The following GCLC variants were observed in gnomAD, a reference collection of about 807,000 sequenced individuals.
GCLC encodes the protein glutamate-cysteine ligase catalytic subunit.
Under a neutral mutation model 81.5 loss-of-function variants are expected in GCLC, and 30 were observed. That is an observed-to-expected ratio of 0.37 (90% CI 0.28 to 0.50). The LOEUF (loss-of-function observed/expected upper bound fraction) is 0.50, where lower values mean the gene tolerates loss of function less well. Among genes scored for constraint, GCLC ranks in the 20% least tolerant of loss-of-function variants. GCLC has a pLI of 0.96. For synonymous variants in GCLC, 262 were observed against 273.3 expected, an observed-to-expected ratio of 0.96 and a Z score of 0.41; for missense variants, 556 against 777.4, an observed-to-expected ratio of 0.72 and a Z score of 3.39.
At chr6:53,544,381 C>G in intron 1 of GCLC, 115 bp downstream of exon 1, 1 of 1,107,520 alleles carries the variant, frequency 9.0e-7, no homozygotes, top group South Asian at 1.3e-5. Context: ...TCGAGGACCC[C>G]CGGGCGCAGT....
At chr6:53,502,789 C>T (rs1764537899) in intron 12 of GCLC, among the ~76,000 whole-genome samples, 1 of 152,160 alleles carries the variant, frequency 6.6e-6, no homozygotes, top group Non-Finnish European at 1.5e-5. Context: ...TTTATTTTCA[C>T]CACTTTATGT....
In GCLC at chr6:53,500,304, C is replaced by T. The variant is rs17881359; in HGVS notation, c.1524G>A (p.Thr508=). 1,859 of 1,614,180 alleles carry T rather than the reference C, an allele frequency of 1.2e-3. 11 individuals are homozygous for T. In the African/African-American group the frequency reaches 0.022, roughly 19 times the overall value. The change falls in exon 14 of 16, where the codon ACG becomes ACA. Residue 508 remains threonine (T), a synonymous_variant. Transcript: ENST00000650454. ...VDGCGKAQNS[T]ELAAEEYTLM... ...GGGTGTACTCCTCTGCAGCGAGCTCCGTGCTGTTCTGGGCCTTGCCACAAC... is the reference window on the plus strand; with the variant it reads ...GGGTGTACTCCTCTGCAGCGAGCTCTGTGCTGTTCTGGGCCTTGCCACAAC...
intron 6 of GCLC, among the ~76,000 whole-genome samples, chr6:53,512,493 A>C (rs1764773595): frequency 6.6e-6 from 1 of 152,088 alleles, no homozygotes; most frequent in Non-Finnish European, 1.5e-5. Context: ...ATTTGTAAAG[A>C]TCAAATCAGT....
chr6:53,544,259 G>T (rs1461949707), intron 1 of GCLC, among the ~76,000 whole-genome samples: 4 of 152,204 alleles, frequency 2.6e-5, no homozygotes, highest in Admixed American at 6.5e-5. Context: ...TTTATGGAAT[G>T]AAGGGGAAAA....
intron 1 of GCLC, chr6:53,522,739 T>C: frequency 2.0e-6 from 1 of 488,846 alleles, no homozygotes; most frequent in Non-Finnish European, 3.7e-6. Flanking sequence ...CTTCCATCCC[T>C]TCTTTCCTCT....
In GCLC at chr6:53,499,006, C is replaced by T. The variant is rs201315867; in HGVS notation, c.1703-39G>A. 101 of 1,351,808 alleles carry T rather than the reference C, an allele frequency of 7.5e-5. No homozygotes were observed. In the Admixed American group the frequency reaches 1.2e-3, roughly 16 times the overall value. The allele number at this position is 1,351,808 out of a possible 1,614,324, so 83.7% of individuals were successfully genotyped here. On this transcript the variant is annotated intron_variant, in intron 15 of 15. Transcript: ENST00000650454. ...GGGAGCGAAAAAAAAATTAAAACCA[C>T]GTAAGTTTTTTTTTTAATAAGTTGA... is the stretch of plus-strand genomic sequence containing the variant.
chr6:53,521,223 T>C lies in GCLC; in HGVS notation c.264-263A>G, dbSNP rs561249210. On this transcript the variant is annotated intron_variant, in intron 2 of 15. Transcript: ENST00000650454. ...AGGCTGGAGTGCAATGGCACGATCT[T>C]GGCTTACTGCAACCTCTGCCTCCCA... Among the ~76,000 whole-genome samples the C allele has an allele frequency of 1.4e-4, 22 of 152,268 alleles. No homozygotes were observed. The East Asian group carries it at 3.5e-3, about 24-fold the overall frequency.
chr6:53,527,935 T>C (rs1473507464), intron 1 of GCLC, among the ~76,000 whole-genome samples: 1 of 152,158 alleles, frequency 6.6e-6, no homozygotes, highest in East Asian at 1.9e-4. Context: ...CCCACAGAGA[T>C]CATGCCAAGT....
At chr6:53,536,988 T>C in intron 1 of GCLC, among the ~76,000 whole-genome samples, 1 of 152,226 alleles carries the variant, frequency 6.6e-6, no homozygotes, top group Non-Finnish European at 1.5e-5. Context: ...GACAAAGACT[T>C]CTACAAGCTG....
intron 4 of GCLC, among the ~76,000 whole-genome samples, chr6:53,514,915 T>A (rs1764836394): frequency 6.6e-6 from 1 of 152,182 alleles, no homozygotes; most frequent in Admixed American, 6.5e-5. Context: ...CCTCCCTCCC[T>A]CATCTCTGCA....
intron 1 of GCLC, among the ~76,000 whole-genome samples, chr6:53,527,714 G>T (rs1459499875): frequency 6.6e-6 from 1 of 152,174 alleles, no homozygotes; most frequent in African/African-American, 2.4e-5. Context: ...GTCTAAGCCG[G>T]TCTAGAAGAT....
intron 8 of GCLC, among the ~76,000 whole-genome samples, chr6:53,507,926 A>G (rs1764648225): frequency 6.6e-6 from 1 of 152,244 alleles, no homozygotes. Flanking sequence ...CGTAAGATAA[A>G]CCTATCAAAA....
intron 1 of GCLC, among the ~76,000 whole-genome samples, chr6:53,528,549 C>A (rs911284662): frequency 6.6e-6 from 1 of 152,106 alleles, no homozygotes; most frequent in African/African-American, 2.4e-5. Flanking sequence ...AATGTTTTAG[C>A]AGTTTTGTCT....
At chr6:53,500,741 C>T (rs1321884634) in intron 12 of GCLC, 3 of 584,150 alleles carry the variant, frequency 5.1e-6, no homozygotes, top group Non-Finnish European at 9.1e-6. Context: ...TTAAGAGAAA[C>T]TTAAAACCCA....
rs17883224 is a variant in GCLC, at chr6:53,510,632, T to C, written c.754-1382A>G. Among the ~76,000 whole-genome samples, 1,397 of 152,318 alleles carry C rather than the reference T, an allele frequency of 9.2e-3. 19 individuals are homozygous for C. The highest frequency in any genetic ancestry group is 0.032 in the African/African-American group (1,318 of 41,570). The stretch of plus-strand genomic sequence containing the variant: ...ATTAATGACAGCTTGAATTTAGTGT[T>C]GGTACACGACATAATTTCAGTGTTT... On this transcript the variant is annotated intron_variant, in intron 6 of 15. Transcript: ENST00000650454.
chr6:53,517,249 GTTTTT>G (rs201960255), intron 3 of GCLC, among the ~76,000 whole-genome samples: 1 of 73,116 alleles, frequency 1.4e-5, no homozygotes, highest in East Asian at 4.2e-4. Flanking sequence ...ACTGTACCAA[GTTTTT>G]TTTTTTTTTT....
At chr6:53,520,380 A>G (rs17193216) in intron 3 of GCLC, among the ~76,000 whole-genome samples, 2,989 of 152,322 alleles carry the variant, frequency 0.02, 46 homozygotes, top group Non-Finnish European at 0.03. Flanking sequence ...TTGAAAGTGC[A>G]TGAGGGCGCA....
intron 12 of GCLC, among the ~76,000 whole-genome samples, chr6:53,502,795 T>G (rs1348920959): frequency 6.6e-6 from 1 of 152,192 alleles, no homozygotes; most frequent in African/African-American, 2.4e-5. Context: ...TTCACCACTT[T>G]ATGTTCTATG....
chr6:53,519,408 G>A (rs1237049676), intron 3 of GCLC, among the ~76,000 whole-genome samples: 1 of 151,694 alleles, frequency 6.6e-6, no homozygotes, highest in Non-Finnish European at 1.5e-5. Context: ...TGGAACCTTG[G>A]ACATCCCACC....
Sources: gnomAD v4.1 joint callset for allele counts (sites outside exome capture counted in the v4.1 genomes callset) on GRCh38, gnomAD v4.1.1 for gene constraint, MANE v1.5 for transcripts, NCBI Gene and HGNC (gene_info 2026-07-23, HGNC 2026-07-21) for gene names.